Variants in PCDH9 observed in about 807,000 individuals in gnomAD.
PCDH9 encodes protocadherin-9.
PCDH9 carries 24 observed loss-of-function variants against 70.6 expected under a neutral mutation model. The observed-to-expected ratio is 0.34, with a 90% CI of 0.25 to 0.48. The LOEUF is 0.48. Among genes scored for constraint, PCDH9 ranks in the 20% least tolerant of loss-of-function variants. The pLI is 0.99. For synonymous variants in PCDH9, 562 were observed against 558.5 expected (o/e 1.01, Z -0.09); for missense variants, 1,281 against 1,503.6 (o/e 0.85, Z 2.45).
intron 4 of PCDH9, among the ~76,000 whole-genome samples, chr13:66,435,075 G>A (rs1445159233): frequency 1.3e-5 from 2 of 152,028 alleles, no homozygotes; most frequent in East Asian, 3.9e-4. Flanking sequence ...AGGTGCAAAG[G>A]GCTTCATTAG....
intron 3 of PCDH9, among the ~76,000 whole-genome samples, chr13:66,689,165 A>G (rs556500193): frequency 2.8e-4 from 43 of 152,266 alleles, no homozygotes; most frequent in African/African-American, 8.7e-4. Flanking sequence ...ATTTTAATGT[A>G]TAAGATGAAC....
chr13:66,556,051 A>AT (rs1418025615), intron 4 of PCDH9, among the ~76,000 whole-genome samples: 2 of 150,606 alleles, frequency 1.3e-5, no homozygotes, highest in African/African-American at 4.9e-5. Flanking sequence ...TTCTAATATT[A>AT]TTTTTTGCTG....
intron 2 of PCDH9, among the ~76,000 whole-genome samples, chr13:66,910,951 T>C (rs989409038): frequency 9.2e-5 from 14 of 152,132 alleles, no homozygotes; most frequent in African/African-American, 3.1e-4. Flanking sequence ...TTAAGAAACT[T>C]TTGACAAATG....
At chr13:66,760,764 A>G (rs556013237) in intron 3 of PCDH9, among the ~76,000 whole-genome samples, 3 of 152,116 alleles carry the variant, frequency 2.0e-5, no homozygotes, top group South Asian at 2.1e-4. Flanking sequence ...TCACTGAATT[A>G]TTTTTCTCAG....
At chr13:66,349,223 A>G (rs1445658596) in intron 4 of PCDH9, among the ~76,000 whole-genome samples, 1 of 151,856 alleles carries the variant, frequency 6.6e-6, no homozygotes, top group Non-Finnish European at 1.5e-5. Context: ...CACATACTAG[A>G]CCCTCCCTAA....
intron 3 of PCDH9, among the ~76,000 whole-genome samples, chr13:66,897,646 G>A (rs2082205360): frequency 1.3e-5 from 2 of 152,126 alleles, no homozygotes; most frequent in East Asian, 1.9e-4. Flanking sequence ...ATTATACATA[G>A]GCATTAGACA....
At chr13:67,047,859 T>C (rs949980778) in intron 2 of PCDH9, among the ~76,000 whole-genome samples, 1 of 152,178 alleles carries the variant, frequency 6.6e-6, no homozygotes, top group African/African-American at 2.4e-5. Flanking sequence ...ATGAATATTT[T>C]AAGATCATTC....
At chr13:66,839,590 T>C (rs1304673458) in intron 3 of PCDH9, among the ~76,000 whole-genome samples, 1 of 152,218 alleles carries the variant, frequency 6.6e-6, no homozygotes, top group East Asian at 1.9e-4. Context: ...ACAAGCTTTA[T>C]CTTCATCTCC....
At chr13:66,902,530 G>C (rs1026559842) in intron 3 of PCDH9, among the ~76,000 whole-genome samples, 1 of 151,342 alleles carries the variant, frequency 6.6e-6, no homozygotes, top group African/African-American at 2.4e-5. Context: ...GAAGGGAATG[G>C]AGGGGACCTA....
rs57304617 is a variant in PCDH9, at chr13:66,587,793, TAA to T, written c.3340+43415_3340+43416del. Among the ~76,000 whole-genome samples, 620 of 145,002 alleles carry T rather than the reference TAA, an allele frequency of 4.3e-3. 1 individual carries two copies. Among genetic ancestry groups the T allele is most frequent in the African/African-American group, 8.2e-3 (327 of 39,724 alleles). ...AACAGAAGTGAACTTGCAGGATTAT[TAA>T]AAAAAAAAAAAAGAAAGTTTTGGAG... is the stretch of plus-strand genomic sequence containing the variant. On this transcript the variant is annotated intron_variant, in intron 4 of 4. Coordinates refer to ENST00000377865, the MANE Select transcript of PCDH9 (RefSeq NM_203487.3).
chr13:66,557,459 T>C (rs1044316150), intron 4 of PCDH9, among the ~76,000 whole-genome samples: 1 of 152,218 alleles, frequency 6.6e-6, no homozygotes, highest in Non-Finnish European at 1.5e-5. Flanking sequence ...ATTTAGGATA[T>C]TTCTTTCACA....
rs748317815 is a variant in PCDH9 at position 66,595,198 on chromosome 13, A to AT, written c.3340+36011dup. ...ATGTAAACACATCAAGAGAGAAAGCATTTTTTTTTCCACTTTCTGTGGGAA... is the reference window on the plus strand; with the variant it reads ...ATGTAAACACATCAAGAGAGAAAGCATTTTTTTTTTCCACTTTCTGTGGGAA... On this transcript the variant is annotated intron_variant, in intron 4 of 4. Coordinates refer to ENST00000377865, the MANE Select transcript of PCDH9 (RefSeq NM_203487.3). Among the ~76,000 whole-genome samples the AT allele has an allele frequency of 3.9e-3, 586 of 150,596 alleles. 7 individuals carry two copies. The highest frequency in any genetic ancestry group is 0.017 in the Middle Eastern group (5 of 292).
intron 4 of PCDH9, among the ~76,000 whole-genome samples, chr13:66,322,797 A>C (rs1018275884): frequency 6.6e-6 from 1 of 151,996 alleles, no homozygotes; most frequent in Admixed American, 6.6e-5. Flanking sequence ...TTATGTGGGC[A>C]CGTATATCAC....
At chr13:66,730,876 G>GTGTTTTTTTTTTTTTTTTTTTTTTTTTTT (rs1555262846) in intron 3 of PCDH9, among the ~76,000 whole-genome samples, 5 of 46,356 alleles carry the variant, frequency 1.1e-4, no homozygotes, top group African/African-American at 3.8e-4. Flanking sequence ...GTGTGTGTGT[G>GTGTTTTTTTTTTTTTTTTTTTTTTTTTTT]TTTTTTTTTT....
At chr13:66,579,535 C>T (rs1222230286) in intron 4 of PCDH9, among the ~76,000 whole-genome samples, 1 of 151,906 alleles carries the variant, frequency 6.6e-6, no homozygotes, top group East Asian at 1.9e-4. Context: ...TGCTGTGAGC[C>T]TGGATATCTG....
chr13:66,864,179 A>G (rs951037986), intron 3 of PCDH9, among the ~76,000 whole-genome samples: 1 of 152,208 alleles, frequency 6.6e-6, no homozygotes, highest in African/African-American at 2.4e-5. Flanking sequence ...CAGCCAGAGC[A>G]TATCAGATAT....
chr13:66,397,942 T>TTA (rs1957131163), intron 4 of PCDH9, among the ~76,000 whole-genome samples: 1 of 151,906 alleles, frequency 6.6e-6, no homozygotes, highest in Non-Finnish European at 1.5e-5. Flanking sequence ...AAAAGAGAAA[T>TTA]TATATATATT....
At chr13:66,735,172 C>T (rs998088677) in intron 3 of PCDH9, among the ~76,000 whole-genome samples, 1 of 152,160 alleles carries the variant, frequency 6.6e-6, no homozygotes, top group African/African-American at 2.4e-5. Context: ...AGAGTATCAG[C>T]TAATTAGGGC....
At chr13:67,086,684 A>T (rs191684997) in intron 2 of PCDH9, among the ~76,000 whole-genome samples, 77 of 152,328 alleles carry the variant, frequency 5.1e-4, no homozygotes, top group Admixed American at 2.8e-3. Context: ...TAGTGAAGGC[A>T]AAGTCATCAA....
Sources: gnomAD v4.1 joint callset for allele counts (sites outside exome capture counted in the v4.1 genomes callset) on GRCh38, gnomAD v4.1.1 for gene constraint, MANE v1.5 for transcripts, NCBI Gene and HGNC (gene_info 2026-07-23, HGNC 2026-07-21) for gene names.